Variants in JAKMIP1 observed in about 807,000 individuals in gnomAD.
The protein encoded by JAKMIP1 is janus kinase and microtubule interacting protein 1.
Under a neutral mutation model 113.0 loss-of-function variants are expected in JAKMIP1, and 33 were observed. That is an observed-to-expected ratio of 0.29 (90% CI 0.22 to 0.39). The LOEUF (loss-of-function observed/expected upper bound fraction) is 0.39, where lower values mean the gene tolerates loss of function less well. JAKMIP1 is among the 10% of genes least tolerant of loss of function. The pLI, the probability that JAKMIP1 is intolerant of heterozygous loss-of-function variation, is 1.00. For missense variants in JAKMIP1, 813 were observed against 1,080.5 expected (o/e 0.75, Z 3.47); for synonymous variants, 480 against 459.9 (o/e 1.04, Z -0.56).
rs542964969 is a variant in JAKMIP1 at position 6,051,330 on chromosome 4, C to T, written c.1807-651G>A. Among the ~76,000 whole-genome samples the T allele has an allele frequency of 6.6e-6, 1 of 151,726 alleles. No individual in the cohort carries two copies. The highest frequency in any genetic ancestry group is 1.9e-4 in the East Asian group (1 of 5,164). ...CTCCACCTCCCGGGTTCAAGTGATTCTCCTGCCTCAGCCTCCCAAGTAGCT... is the reference window on the plus strand; with the variant it reads ...CTCCACCTCCCGGGTTCAAGTGATTTTCCTGCCTCAGCCTCCCAAGTAGCT... On this transcript the variant is annotated intron_variant, in intron 13 of 20. Transcript: ENST00000409021. This position sits in a 1 kb window ranked among gnomAD's most constrained non-coding sequence, Gnocchi z 5.0.
intron 18 of JAKMIP1, among the ~76,000 whole-genome samples, chr4:6,037,026 T>A (rs1285220566): frequency 1.0e-4 from 15 of 148,138 alleles, no homozygotes; most frequent in African/African-American, 3.8e-4. Context: ...TAGCCCTCCA[T>A]CACTGAGGCA....
chr4:6,102,609 T>C (rs1713232405), intron 3 of JAKMIP1, among the ~76,000 whole-genome samples: 1 of 152,046 alleles, frequency 6.6e-6, no homozygotes, highest in Non-Finnish European at 1.5e-5. Flanking sequence ...ACCCAGTCTG[T>C]GTTATTTTGT....
Position 6,093,361 on chromosome 4 carries a change from T to C in JAKMIP1, c.625-7732A>G, listed in dbSNP as rs1722350527. On this transcript the variant is annotated intron_variant, in intron 3 of 20. Coordinates refer to ENST00000409021, the MANE Select transcript of JAKMIP1 (RefSeq NM_001099433.2). The surrounding 1 kb of genome is among the most constrained non-coding windows in gnomAD (Gnocchi z 4.6). ...TTCTCTATAACTCAGTAAATAAATA[T>C]TCAACTGAGGGGGAGCTCTCCTGCC... 6.6e-6 allele frequency among the ~76,000 whole-genome samples: 1 copy of C among 152,212 alleles called. No individual in the cohort carries two copies. The highest frequency in any genetic ancestry group is 1.5e-5 in the Non-Finnish European group (1 of 68,040).
At chr4:6,118,678 G>T (rs988595283) in intron 1 of JAKMIP1, among the ~76,000 whole-genome samples, 1 of 151,998 alleles carries the variant, frequency 6.6e-6, no homozygotes, top group African/African-American at 2.4e-5. Context: ...CAGCTTCGTG[G>T]TGACAACATT....
chr4:6,160,476 G>C (rs6818419), intron 1 of JAKMIP1, among the ~76,000 whole-genome samples: 18,299 of 152,108 alleles, frequency 0.12, 2,356 homozygotes, highest in African/African-American at 0.32. Context: ...GAAGTGCAAG[G>C]CAGACGGGAT....
rs73075490 is a variant in JAKMIP1, at chr4:6,168,097, A to G, written c.-148+32156T>C. Among the ~76,000 whole-genome samples the G allele has an allele frequency of 0.095, 14,423 of 152,224 alleles. 1,335 individuals carry two copies. The highest frequency in any genetic ancestry group is 0.24 in the African/African-American group (9,941 of 41,500). On this transcript the variant is annotated intron_variant, in intron 1 of 20. Coordinates refer to ENST00000409021, the MANE Select transcript of JAKMIP1 (RefSeq NM_001099433.2). The surrounding 1 kb of genome is among the most constrained non-coding windows in gnomAD (Gnocchi z 4.6). The stretch of plus-strand genomic sequence containing the variant: ...ATCAAAACCGCAGTGAGACGGCACC[A>G]CACACCACCCAGGACGGCTGCAATC...
At chr4:6,055,396 A>G (rs1716251516) in intron 12 of JAKMIP1, among the ~76,000 whole-genome samples, 2 of 152,214 alleles carry the variant, frequency 1.3e-5, no homozygotes, top group Admixed American at 1.3e-4. Flanking sequence ...ATAAGCTACG[A>G]TTTTAATTCC....
chr4:6,102,847 C>A (rs61634331), intron 3 of JAKMIP1, among the ~76,000 whole-genome samples: 63,827 of 148,568 alleles, frequency 0.43, 15,682 homozygotes, highest in Admixed American at 0.61. Context: ...CATTCTCCTG[C>A]CTCAGCCTCC....
intron 19 of JAKMIP1, among the ~76,000 whole-genome samples, chr4:6,034,964 C>T (rs28624123): frequency 0.013 from 2,020 of 152,204 alleles, 57 homozygotes; most frequent in African/African-American, 0.046. Flanking sequence ...CTGAGCTCCC[C>T]GAGGAGAGGA....
intron 5 of JAKMIP1, among the ~76,000 whole-genome samples, chr4:6,083,961 T>G (rs1433177159): frequency 6.6e-6 from 1 of 152,190 alleles, no homozygotes; most frequent in African/African-American, 2.4e-5. Context: ...GTATATAAAA[T>G]TTTATGCAAA....
chr4:6,119,430 G>C (rs1293828768), intron 1 of JAKMIP1, among the ~76,000 whole-genome samples: 2 of 152,186 alleles, frequency 1.3e-5, no homozygotes, highest in Non-Finnish European at 2.9e-5. Flanking sequence ...TGTAATCCCA[G>C]CTACTTGGGA....
In JAKMIP1 at chr4:6,065,983, A is replaced by G. The variant is rs986091499; in HGVS notation, c.1303-975T>C. Among the ~76,000 whole-genome samples the G allele has an allele frequency of 6.6e-6, 1 of 152,204 alleles. No homozygotes were observed. Among genetic ancestry groups the G allele is most frequent in the Non-Finnish European group, 1.5e-5 (1 of 68,026 alleles). Reference sequence around the variant, plus strand: ...GATCAATGTCTCTTATTTTAGGAACATAGCTTTTTTGGGTTTTTTTTTCCC... The same window carrying G: ...GATCAATGTCTCTTATTTTAGGAACGTAGCTTTTTTGGGTTTTTTTTTCCC... On this transcript the variant is annotated intron_variant, in intron 8 of 20. Coordinates refer to ENST00000409021, the MANE Select transcript of JAKMIP1 (RefSeq NM_001099433.2). The surrounding 1 kb of genome is among the most constrained non-coding windows in gnomAD (Gnocchi z 5.1).
At chr4:6,060,588 A>C in intron 10 of JAKMIP1, 81 bp from the exon 11 acceptor site, 1 of 1,009,012 alleles carries the variant, frequency 9.9e-7, no homozygotes, top group South Asian at 1.3e-5. Context: ...CCCCAATGCA[A>C]GCAATGCCTA....
rs1365360731 is a variant in JAKMIP1, at chr4:6,031,526, T to C, written c.2380-1745A>G. On this transcript the variant is annotated intron_variant, in intron 19 of 20. Transcript: ENST00000409021. This position sits in a 1 kb window ranked among gnomAD's most constrained non-coding sequence, Gnocchi z 4.4. The stretch of plus-strand genomic sequence containing the variant: ...CCAGATGCACAAGAGGGGAAAGGAA[T>C]TCCAGGCAGAGGGAACGGCATGTGC... Among the ~76,000 whole-genome samples, 2 of 152,042 alleles carry C rather than the reference T, an allele frequency of 1.3e-5. No individual in the cohort carries two copies. Among genetic ancestry groups the C allele is most frequent in the Admixed American group, 1.3e-4 (2 of 15,258 alleles).
intron 8 of JAKMIP1, among the ~76,000 whole-genome samples, chr4:6,075,034 T>C (rs1225036336): frequency 6.6e-6 from 1 of 152,218 alleles, no homozygotes; most frequent in East Asian, 1.9e-4. Flanking sequence ...TGTTAAGGAA[T>C]GCATGACTCT....
chr4:6,120,072 C>T (rs1021507321), intron 1 of JAKMIP1, among the ~76,000 whole-genome samples: 1 of 152,120 alleles, frequency 6.6e-6, no homozygotes, highest in African/African-American at 2.4e-5. Flanking sequence ...CCAAAAATTA[C>T]GTGGAAATCC....
In JAKMIP1 at chr4:6,049,139, T is replaced by TG. The variant is rs1715351100; in HGVS notation, c.1963-218dup. Among the ~76,000 whole-genome samples, 1 of 152,150 alleles carries TG rather than the reference T, an allele frequency of 6.6e-6. No homozygotes were observed. The highest frequency in any genetic ancestry group is 6.5e-5 in the Admixed American group (1 of 15,278). ...GCCTCCTGGGTTCAAGTGATTCTCT[T>TG]GCCTCAGCCTCCCGAGTAGCTGGGA... On this transcript the variant is annotated intron_variant, in intron 15 of 20. Transcript: ENST00000409021. This position sits in a 1 kb window ranked among gnomAD's most constrained non-coding sequence, Gnocchi z 7.0.
chr4:6,171,001 C>T (rs1271972386), intron 1 of JAKMIP1, among the ~76,000 whole-genome samples: 3 of 143,246 alleles, frequency 2.1e-5, no homozygotes, highest in African/African-American at 7.5e-5. Context: ...GCCACCCTTA[C>T]CACCACTGCC....
Position 6,033,365 on chromosome 4 carries a change from G to C in JAKMIP1, c.2379+2539C>G, listed in dbSNP as rs569356828. On this transcript the variant is annotated intron_variant, in intron 19 of 20. Transcript: ENST00000409021. ...TTGCCAGAGCACCTGGTTGTGTTAG[G>C]TAGTGTCGCCCGTGTTGAATACATG... 7.2e-5 allele frequency among the ~76,000 whole-genome samples: 11 copies of C among 152,330 alleles called. No homozygotes were observed. In the South Asian group the frequency reaches 1.9e-3, roughly 26 times the overall value.
Sources: allele counts gnomAD v4.1 joint callset (sites outside exome capture counted in the v4.1 genomes callset), GRCh38; gene constraint gnomAD v4.1.1; non-coding constraint Gnocchi (gnomAD v3.1); transcripts MANE v1.5; gene names NCBI Gene and HGNC (gene_info 2026-07-23, HGNC 2026-07-21).